Variants in NYAP2 observed in about 807,000 individuals in gnomAD.
NYAP2 encodes the protein neuronal tyrosine-phosphorylated phosphoinositide-3-kinase adaptor 2.
Under a neutral mutation model 50.4 loss-of-function variants are expected in NYAP2, and 23 were observed. That is an observed-to-expected ratio of 0.46 (90% CI 0.33 to 0.65). The LOEUF is 0.65. Among genes scored for constraint, NYAP2 ranks in the 30% least tolerant of loss-of-function variants. NYAP2 has a pLI of 0.02. For missense variants in NYAP2, 885 were observed against 861.0 expected (o/e 1.03, Z -0.35); for synonymous variants, 394 against 365.2 (o/e 1.08, Z -0.90).
intron 5 of NYAP2, among the ~76,000 whole-genome samples, chr2:225,604,926 G>A (rs992953475): frequency 6.6e-6 from 1 of 152,014 alleles, no homozygotes; most frequent in Admixed American, 6.6e-5. Context: ...AATTTTAATA[G>A]CTATGACATA....
chr2:225,643,743 T>G (rs1236999558), intron 6 of NYAP2, among the ~76,000 whole-genome samples: 1 of 151,994 alleles, frequency 6.6e-6, no homozygotes, highest in Non-Finnish European at 1.5e-5. Flanking sequence ...GATTTCCACT[T>G]TCATCCATGT....
At chr2:225,501,879 A>C (rs1690615163) in intron 3 of NYAP2, among the ~76,000 whole-genome samples, 1 of 152,192 alleles carries the variant, frequency 6.6e-6, no homozygotes, top group African/African-American at 2.4e-5. Flanking sequence ...GGAGGAGATC[A>C]AATCAGAGAA....
At chr2:225,686,850 T>A in the NYAP2 span, among the ~76,000 whole-genome samples, 1 of 152,144 alleles carries the variant, frequency 6.6e-6, no homozygotes, top group East Asian at 1.9e-4. Flanking sequence ...ATGGTAGTGA[T>A]GACAACAATG....
intron 3 of NYAP2, among the ~76,000 whole-genome samples, chr2:225,512,424 G>A (rs1306529554): frequency 6.6e-6 from 1 of 152,100 alleles, no homozygotes; most frequent in Non-Finnish European, 1.5e-5. Context: ...ATTGAGAGTG[G>A]TTGGCAATAC....
At position 225,582,041 on chromosome 2, in the gene NYAP2, T is replaced by G. The variant is rs769450018; in HGVS notation, c.624T>G (p.Asp208Glu). 1 of 1,614,004 alleles carries G rather than the reference T, an allele frequency of 6.2e-7. No individual in the cohort carries two copies. The highest frequency in any genetic ancestry group is 1.1e-5 in the South Asian group (1 of 91,078). Residue 208 changes from aspartate to glutamate, a missense_variant, in exon 5 of 7, where the codon GAT becomes GAG. By Grantham distance (45) the Asp-to-Glu change is conservative. Coordinates refer to ENST00000636099, the Ensembl canonical transcript of NYAP2. This position sits in a 1 kb window ranked among gnomAD's most constrained non-coding sequence, Gnocchi z 7.0. ...ACACTCAGCTGAGCACATCTTTCGATGAAACGTACATCAAAAAGCATGGGC... is the reference window on the plus strand; with the variant it reads ...ACACTCAGCTGAGCACATCTTTCGAGGAAACGTACATCAAAAAGCATGGGC...
At chr2:225,538,395 A>G (rs1037140074) in intron 4 of NYAP2, among the ~76,000 whole-genome samples, 2 of 152,226 alleles carry the variant, frequency 1.3e-5, no homozygotes, top group Non-Finnish European at 2.9e-5. Flanking sequence ...CCAAACCCCA[A>G]TTCTTGACTT....
At chr2:225,442,047 G>T (rs1689478332) in intron 3 of NYAP2, among the ~76,000 whole-genome samples, 1 of 152,168 alleles carries the variant, frequency 6.6e-6, no homozygotes, top group Non-Finnish European at 1.5e-5. Flanking sequence ...GCATTCTCAA[G>T]TCTGTGGAAA....
chr2:225,629,342 C>A (rs1693269844), intron 6 of NYAP2, among the ~76,000 whole-genome samples: 1 of 152,168 alleles, frequency 6.6e-6, no homozygotes, highest in Admixed American at 6.5e-5. Flanking sequence ...GGGTGATTTT[C>A]TTTACTTAGA....
intron 3 of NYAP2, among the ~76,000 whole-genome samples, chr2:225,507,201 T>C (rs1427632830): frequency 6.6e-6 from 1 of 152,194 alleles, no homozygotes; most frequent in Admixed American, 6.5e-5. Context: ...TGGGGTGGGA[T>C]TATATTTTTC....
chr2:225,608,368 A>C (rs1353265541), intron 5 of NYAP2, among the ~76,000 whole-genome samples: 1 of 152,060 alleles, frequency 6.6e-6, no homozygotes, highest in Non-Finnish European at 1.5e-5. Context: ...ACCTGGGATA[A>C]TTATTCTCAC....
At position 225,582,949 on chromosome 2, in the gene NYAP2, T is replaced by G; in HGVS notation, c.1532T>G (p.Leu511Arg). 1 of 1,612,506 alleles carries G rather than the reference T, an allele frequency of 6.2e-7. No homozygotes were observed. Among genetic ancestry groups the G allele is most frequent in the African/African-American group, 1.3e-5 (1 of 75,048 alleles). Reference sequence around the variant, plus strand: ...CGGTCCCGGACACCCACGAGCCCGCTGGAGGAGCTGACCAGCCTCTTCTCC... The same window carrying G: ...CGGTCCCGGACACCCACGAGCCCGCGGGAGGAGCTGACCAGCCTCTTCTCC... The change falls in exon 5 of 7, where the codon CTG (leucine) becomes CGG (arginine). Residue 511 changes from leucine to arginine, a missense_variant. Coordinates refer to ENST00000636099, the Ensembl canonical transcript of NYAP2. The surrounding 1 kb of genome is among the most constrained non-coding windows in gnomAD (Gnocchi z 7.0).
chr2:225,659,651 A>G, the NYAP2 span, among the ~76,000 whole-genome samples: 2 of 152,188 alleles, frequency 1.3e-5, no homozygotes, highest in Non-Finnish European at 2.9e-5. Context: ...GATAGATATG[A>G]GACTTACAGG....
At chr2:225,608,078 CTTG>C (rs1692820170) in intron 5 of NYAP2, among the ~76,000 whole-genome samples, 1 of 152,170 alleles carries the variant, frequency 6.6e-6, no homozygotes, top group South Asian at 2.1e-4. Context: ...AAATGATTAT[CTTG>C]TCATTGAACA....
intron 3 of NYAP2, among the ~76,000 whole-genome samples, chr2:225,438,619 T>G (rs4145976): frequency 0.71 from 107,731 of 152,136 alleles, 38,626 homozygotes; most frequent in Non-Finnish European, 0.76. Context: ...AAAGATAGTA[T>G]ATATCTTTAA....
chr2:225,473,997 G>A (rs1690058189), intron 3 of NYAP2, among the ~76,000 whole-genome samples: 2 of 152,186 alleles, frequency 1.3e-5, no homozygotes, highest in South Asian at 2.1e-4. Context: ...TAAGGTGTAA[G>A]GAAGGGATCC....
intron 4 of NYAP2, among the ~76,000 whole-genome samples, chr2:225,535,875 T>G (rs1281591663): frequency 1.3e-5 from 2 of 152,314 alleles, no homozygotes; most frequent in African/African-American, 4.8e-5. Flanking sequence ...CTGGGAAAGA[T>G]AGATAGATAT....
At position 225,521,303 on chromosome 2, in the gene NYAP2, A is replaced by G. The variant is rs893014474; in HGVS notation, c.523+7631A>G. On this transcript the variant is annotated intron_variant, in intron 4 of 6. Coordinates refer to ENST00000636099, the Ensembl canonical transcript of NYAP2. ...CTAATTGCCCTGGCCAGAACTTCCA[A>G]CACTATGTTGAATAGGAGTGCTGAG... is the stretch of plus-strand genomic sequence containing the variant. 5.3e-5 allele frequency among the ~76,000 whole-genome samples: 8 copies of G among 151,930 alleles called. No individual in the cohort carries two copies. The South Asian group carries it at 6.3e-4, about 12-fold the overall frequency.
intron 4 of NYAP2, among the ~76,000 whole-genome samples, chr2:225,540,879 G>A (rs779406801): frequency 2.0e-5 from 3 of 152,022 alleles, no homozygotes; most frequent in Non-Finnish European, 2.9e-5. Context: ...CTCCATAATG[G>A]TTTTACTAAT....
downstream of NYAP2, among the ~76,000 whole-genome samples, chr2:225,658,612 T>C (rs528473877): frequency 6.6e-6 from 1 of 152,288 alleles, no homozygotes; most frequent in East Asian, 1.9e-4. Flanking sequence ...AAAAAATATA[T>C]AAAAAGCATT....
Sources: allele counts gnomAD v4.1 joint callset (sites outside exome capture counted in the v4.1 genomes callset), GRCh38; gene constraint gnomAD v4.1.1; non-coding constraint Gnocchi (gnomAD v3.1); transcripts MANE v1.5; gene names NCBI Gene and HGNC (gene_info 2026-07-23, HGNC 2026-07-21).